The following PKP2 variants were observed in gnomAD, a reference collection of about 807,000 sequenced individuals.
PKP2 encodes the protein plakophilin-2.
A neutral mutation model predicts 83.4 loss-of-function variants in PKP2; 73 were observed. The observed-to-expected ratio is 0.88, with a 90% confidence interval of 0.72 to 1.06. The LOEUF is 1.06. Among genes scored for constraint, PKP2 ranks in the 50% least tolerant of loss-of-function variants. PKP2 has a pLI of 0.00. For synonymous variants in PKP2, 409 were observed against 430.4 expected, an observed-to-expected ratio of 0.95 and a Z score of 0.62; for missense variants, 966 against 1,065.4, an observed-to-expected ratio of 0.91 and a Z score of 1.30.
chr12:32,850,785 C>A lies in PKP2; in HGVS notation c.1359G>T (p.Glu453Asp). ...LQVLKQTRDL[E>D]TKKQITGLLW... ...CACTACCTGTTATTTGTTTTTTAGT[C>A]TCCAAGTCTCTGGTTTGCTTCAGCA... Residue 453 changes from glutamate (E) to aspartate (D), a missense_variant, in exon 5 of 13, where the codon GAG (glutamate) becomes GAT (aspartate). Coordinates refer to ENST00000340811, the MANE Select transcript of PKP2 (RefSeq NM_001005242.3). 1 of 1,612,720 alleles carries A rather than the reference C, an allele frequency of 6.2e-7. No homozygotes were observed. Among genetic ancestry groups the A allele is most frequent in the South Asian group, 1.1e-5 (1 of 90,994 alleles).
chr12:32,801,123 A>T (rs1956174619), intron 10 of PKP2, among the ~76,000 whole-genome samples: 1 of 152,222 alleles, frequency 6.6e-6, no homozygotes, highest in African/African-American at 2.4e-5. Flanking sequence ...TTTCTCTGTT[A>T]TCCTTAAAGT....
At chr12:32,858,148 A>G (rs1243351379) in intron 4 of PKP2, among the ~76,000 whole-genome samples, 11 of 109,530 alleles carry the variant, frequency 1.0e-4, no homozygotes, top group African/African-American at 3.5e-4. Context: ...ATATATATAT[A>G]TATAAATATA....
rs145886908 is a variant in PKP2 at position 32,878,058 on chromosome 12, C to G, written c.822G>C (p.Leu274=). The G allele has an allele frequency of 4.3e-6, 7 of 1,613,898 alleles. No homozygotes were observed. The African/African-American group carries it at 9.3e-5, about 22-fold the overall frequency. The part of the protein sequence containing the change: ...AGLTVGQVRP[L]VPLQPVTQNR... Reference sequence around the variant, plus strand: ...TCTGAGTGACGGGCTGCAGGGGCACCAGCGGCCTGACCTGCCCGACAGTGA... The same window carrying G: ...TCTGAGTGACGGGCTGCAGGGGCACGAGCGGCCTGACCTGCCCGACAGTGA... The change falls in exon 3 of 13, where the codon CTG becomes CTC. Residue 274 remains leucine (L), a synonymous_variant. Transcript: ENST00000340811.
chr12:32,809,989 C>T (rs187833907), intron 9 of PKP2, among the ~76,000 whole-genome samples: 1 of 152,222 alleles, frequency 6.6e-6, no homozygotes, highest in Non-Finnish European at 1.5e-5. Context: ...GTGCTGTGGA[C>T]TGCAGCTGCT....
intron 4 of PKP2, among the ~76,000 whole-genome samples, chr12:32,862,718 C>T (rs544273356): frequency 6.6e-6 from 1 of 152,258 alleles, no homozygotes; most frequent in Admixed American, 6.5e-5. Flanking sequence ...AATCCCTGCA[C>T]TTTGGGAGGT....
Position 32,841,178 on chromosome 12 carries a change from T to C in PKP2, c.1406A>G (p.Asp469Gly). The change falls in exon 6 of 13, where the codon GAC becomes GGC. Residue 469 changes from aspartate (D) to glycine (G), a missense_variant. Transcript: ENST00000340811. The stretch of plus-strand genomic sequence containing the variant: ...TGTTATCATGAGATTCTTGAGTTTG[T>C]CATTAGATGACAAATTCCACAGCAA... ...TGLLWNLSSN[D>G]KLKNLMITEA... 1 of 1,613,724 alleles carries C rather than the reference T, an allele frequency of 6.2e-7. No individual in the cohort carries two copies. Among genetic ancestry groups the C allele is most frequent in the Non-Finnish European group, 8.5e-7 (1 of 1,179,716 alleles).
chr12:32,808,029 T>C (rs984662521), intron 9 of PKP2, among the ~76,000 whole-genome samples: 1 of 152,200 alleles, frequency 6.6e-6, no homozygotes, highest in African/African-American at 2.4e-5. Flanking sequence ...TGGAGTATCC[T>C]ACTGGGGTTC....
At chr12:32,793,619 T>TTTTTTTTTTA (rs1956093458) in intron 11 of PKP2, among the ~76,000 whole-genome samples, 1 of 139,416 alleles carries the variant, frequency 7.2e-6, no homozygotes, top group Non-Finnish European at 1.6e-5. Flanking sequence ...TCTGCTTTTT[T>TTTTTTTTTTA]TTTTTTTTTT....
chr12:32,886,013 T>C (rs543320480), intron 1 of PKP2, among the ~76,000 whole-genome samples: 1 of 152,318 alleles, frequency 6.6e-6, no homozygotes, highest in South Asian at 2.1e-4. Flanking sequence ...GGAGGATTTC[T>C]GGAGATGAAG....
chr12:32,831,103 A>T (rs1195111741), intron 6 of PKP2, among the ~76,000 whole-genome samples: 1 of 152,198 alleles, frequency 6.6e-6, no homozygotes, highest in African/African-American at 2.4e-5. Context: ...CTATAATTTT[A>T]AAAATATACC....
chr12:32,882,010 G>C (rs11052283), intron 1 of PKP2, among the ~76,000 whole-genome samples: 1,693 of 152,266 alleles, frequency 0.011, 23 homozygotes, highest in Non-Finnish European at 0.018. Flanking sequence ...TCAGCACTGG[G>C]AATATGCAGA....
chr12:32,822,897 T>C (rs1956395852), intron 7 of PKP2, among the ~76,000 whole-genome samples: 1 of 152,170 alleles, frequency 6.6e-6, no homozygotes, highest in Non-Finnish European at 1.5e-5. Flanking sequence ...CTGTATAGCT[T>C]AGATACGTAA....
Position 32,869,001 on chromosome 12 carries a change from G to C in PKP2, c.1096C>G (p.Leu366Val). ...GCTGCAGCAGAAATCCTGGATGGCA[G>C]CATGTGGTCTGCCTCGAGCATACTC... is the stretch of plus-strand genomic sequence containing the variant. ...AVSMLEADHM[L>V]PSRISAAATF... Residue 366 changes from leucine (L) to valine (V), a missense_variant, in exon 4 of 13, where the codon CTG (leucine) becomes GTG (valine). Transcript: ENST00000340811. 1 of 1,613,844 alleles carries C rather than the reference G, an allele frequency of 6.2e-7. No homozygotes were observed. The highest frequency in any genetic ancestry group is 8.5e-7 in the Non-Finnish European group (1 of 1,179,856).
chr12:32,829,451 G>C (rs1302583895), intron 6 of PKP2, among the ~76,000 whole-genome samples: 1 of 148,992 alleles, frequency 6.7e-6, no homozygotes, highest in Non-Finnish European at 1.5e-5. Flanking sequence ...GGGTCTCATG[G>C]CATTGCCCAG....
At position 32,833,994 on chromosome 12, in the gene PKP2, C is replaced by T. The variant is rs181780861; in HGVS notation, c.1556+7034G>A. Among the ~76,000 whole-genome samples, 577 of 152,124 alleles carry T rather than the reference C, an allele frequency of 3.8e-3. 3 individuals are homozygous for T. Among genetic ancestry groups the T allele is most frequent in the African/African-American group, 0.013 (553 of 41,496 alleles). On this transcript the variant is annotated intron_variant, in intron 6 of 12. Coordinates refer to ENST00000340811, the MANE Select transcript of PKP2 (RefSeq NM_001005242.3). ...TTAATATGACTACAGTATTTAAGAACGTTGGTGATGACCTAATGATAGAAT... is the reference window on the plus strand; with the variant it reads ...TTAATATGACTACAGTATTTAAGAATGTTGGTGATGACCTAATGATAGAAT...
chr12:32,851,748 G>A lies in PKP2; in HGVS notation c.1171-775C>T, dbSNP rs182422648. Among the ~76,000 whole-genome samples the A allele has an allele frequency of 5.3e-5, 8 of 152,290 alleles. No individual in the cohort carries two copies. In the East Asian group the frequency reaches 9.7e-4, roughly 18 times the overall value. On this transcript the variant is annotated intron_variant, in intron 4 of 12. Transcript: ENST00000340811. ...CTCCCAAAGTGCTGGGATTACAGGC[G>A]TGAGCCACTGCGCCCGGCCACTAAC... is the stretch of plus-strand genomic sequence containing the variant.
chr12:32,807,415 G>A (rs1024791427), intron 9 of PKP2, among the ~76,000 whole-genome samples: 1 of 152,126 alleles, frequency 6.6e-6, no homozygotes, highest in African/African-American at 2.4e-5. Flanking sequence ...TTGAGCCTAA[G>A]TGTGTCTTTG....
intron 4 of PKP2, among the ~76,000 whole-genome samples, chr12:32,859,412 G>C (rs966332333): frequency 2.6e-5 from 4 of 151,956 alleles, no homozygotes; most frequent in Non-Finnish European, 4.4e-5. Flanking sequence ...TTCTATAAAA[G>C]CGTTTATTTT....
rs747381987 is a variant in PKP2 at position 32,792,496 on chromosome 12, T to C, written c.2446-4A>G. ...AATCTGTCTTCTTAAACTGAGCCTT[T>C]GGAATAAGCAAACAGAAACGTGAAA... On this transcript the variant is annotated splice_region_variant and splice_polypyrimidine_tract_variant and intron_variant, in intron 12 of 12. Transcript: ENST00000340811. 1 of 1,612,926 alleles carries C rather than the reference T, an allele frequency of 6.2e-7. No individual in the cohort carries two copies. Among genetic ancestry groups the C allele is most frequent in the Non-Finnish European group, 8.5e-7 (1 of 1,179,038 alleles).
Sources: allele counts gnomAD v4.1 joint callset (sites outside exome capture counted in the v4.1 genomes callset), GRCh38; gene constraint gnomAD v4.1.1; transcripts MANE v1.5; gene names NCBI Gene and HGNC (gene_info 2026-07-23, HGNC 2026-07-21).